ZCWPW2: variants seen among roughly 807,000 people sequenced by gnomAD.
The protein encoded by ZCWPW2 is zinc finger CW-type PWWP domain protein 2.
ZCWPW2 carries 45 observed loss-of-function variants against 46.6 expected under a neutral mutation model. That is an observed-to-expected ratio of 0.96 (90% confidence interval 0.76 to 1.24). The LOEUF (loss-of-function observed/expected upper bound fraction) is 1.24. Ranked by LOEUF, ZCWPW2 falls within the 50% of genes most tolerant of loss-of-function variation. The pLI is 0.00. For synonymous variants in ZCWPW2, 152 were observed against 137.1 expected, an observed-to-expected ratio of 1.11 and a Z score of -0.76; for missense variants, 429 against 403.9, an observed-to-expected ratio of 1.06 and a Z score of -0.53.
chr3:28,496,641 G>C lies in ZCWPW2; in HGVS notation c.657+4468G>C, dbSNP rs148168441. On this transcript the variant is annotated intron_variant, in intron 6 of 9. Transcript: ENST00000383768. ...TTTACAGTTTGGTTTTATAGATATT[G>C]AACATAATATTTTTAAAGACAGCCT... is the stretch of plus-strand genomic sequence containing the variant. Among the ~76,000 whole-genome samples the C allele has an allele frequency of 1.3e-4, 19 of 151,916 alleles. No homozygotes were observed. In the East Asian group the frequency reaches 3.5e-3, roughly 28 times the overall value.
intron 6 of ZCWPW2, among the ~76,000 whole-genome samples, chr3:28,492,954 G>A (rs1559528019): frequency 6.6e-6 from 1 of 152,078 alleles, no homozygotes; most frequent in South Asian, 2.1e-4. Flanking sequence ...AGAAAAGGGT[G>A]TTGGGCATGT....
At chr3:28,350,558 A>G (rs1704507673) in intron 1 of ZCWPW2, among the ~76,000 whole-genome samples, 1 of 152,186 alleles carries the variant, frequency 6.6e-6, no homozygotes, top group African/African-American at 2.4e-5. Flanking sequence ...TTAGTCAAGT[A>G]AAACATCTTA....
chr3:28,359,447 A>G (rs1704856799), intron 1 of ZCWPW2, among the ~76,000 whole-genome samples: 1 of 152,114 alleles, frequency 6.6e-6, no homozygotes, highest in African/African-American at 2.4e-5. Flanking sequence ...AACTTACTTG[A>G]CAAAAATAGG....
intron 3 of ZCWPW2, among the ~76,000 whole-genome samples, chr3:28,420,276 A>G (rs1696715300): frequency 6.6e-6 from 1 of 151,860 alleles, no homozygotes; most frequent in Non-Finnish European, 1.5e-5. Context: ...GTGGGCATTT[A>G]GTGCTATAAA....
chr3:28,496,120 G>A (rs17696783), intron 6 of ZCWPW2, among the ~76,000 whole-genome samples: 30,890 of 151,782 alleles, frequency 0.2, 3,565 homozygotes, highest in Middle Eastern at 0.29. Flanking sequence ...CGAAATTATC[G>A]ACTATTTTAC....
At chr3:28,379,003 A>G (rs1002848801) in intron 1 of ZCWPW2, among the ~76,000 whole-genome samples, 3 of 152,190 alleles carry the variant, frequency 2.0e-5, no homozygotes, top group South Asian at 2.1e-4. Context: ...GTAGCTGGAC[A>G]CTGCCTGAAA....
chr3:28,521,800 A>G (rs1394039676), intron 9 of ZCWPW2, among the ~76,000 whole-genome samples: 1 of 152,122 alleles, frequency 6.6e-6, no homozygotes, highest in African/African-American at 2.4e-5. Flanking sequence ...GCTGTTCCCT[A>G]ACTAGGAAAA....
intron 6 of ZCWPW2, among the ~76,000 whole-genome samples, chr3:28,494,825 A>G (rs1699932044): frequency 7.2e-6 from 1 of 138,666 alleles, no homozygotes; most frequent in Admixed American, 7.5e-5. Context: ...ACTCCCATTC[A>G]CAATTGCTTC....
At chr3:28,372,003 TTCTC>T (rs1559477630) in intron 1 of ZCWPW2, among the ~76,000 whole-genome samples, 1 of 151,782 alleles carries the variant, frequency 6.6e-6, no homozygotes, top group Non-Finnish European at 1.5e-5. Context: ...CTCCTCCTCT[TTCTC>T]CTCTTTCTCC....
chr3:28,368,858 C>T (rs1705214895), intron 1 of ZCWPW2, among the ~76,000 whole-genome samples: 1 of 152,136 alleles, frequency 6.6e-6, no homozygotes, highest in South Asian at 2.1e-4. Flanking sequence ...TTGTTCATTT[C>T]TTTTTATTCT....
In ZCWPW2 at chr3:28,365,550, C is replaced by G. The variant is rs1314245386; in HGVS notation, c.-134+16347C>G. Reference sequence around the variant, plus strand: ...TACCATGCTGTTTTGGTTACCGTAGCCTTGGAGTATAGTTTGAAGTCAGGT... The same window carrying G: ...TACCATGCTGTTTTGGTTACCGTAGGCTTGGAGTATAGTTTGAAGTCAGGT... On this transcript the variant is annotated intron_variant, in intron 1 of 9. Transcript: ENST00000383768. Among the ~76,000 whole-genome samples, 6 of 140,742 alleles carry G rather than the reference C, an allele frequency of 4.3e-5. 2 individuals are homozygous for G. The highest frequency in any genetic ancestry group is 9.5e-5 in the Non-Finnish European group (6 of 62,952). 92.3% of individuals were successfully genotyped at this position (140,742 alleles called of 152,430 possible).
intron 3 of ZCWPW2, among the ~76,000 whole-genome samples, chr3:28,414,311 G>C (rs948111086): frequency 2.0e-5 from 3 of 150,066 alleles, no homozygotes. Flanking sequence ...TTTTTCATTA[G>C]TCATGTTTCT....
At chr3:28,414,087 ATTTG>A (rs1181828806) in intron 3 of ZCWPW2, among the ~76,000 whole-genome samples, 1 of 151,586 alleles carries the variant, frequency 6.6e-6, no homozygotes, top group Non-Finnish European at 1.5e-5. Context: ...AACCTATTAT[ATTTG>A]TTCTGTTGCA....
At chr3:28,362,003 C>T (rs565250776) in intron 1 of ZCWPW2, among the ~76,000 whole-genome samples, 19 of 151,978 alleles carry the variant, frequency 1.3e-4, no homozygotes, top group Non-Finnish European at 4.4e-5. Flanking sequence ...CCTTGTAATC[C>T]AGCAATCCTA....
At position 28,395,753 on chromosome 3, in the gene ZCWPW2, G is replaced by A. The variant is rs182322693; in HGVS notation, c.-14+5136G>A. 6.5e-4 allele frequency among the ~76,000 whole-genome samples: 99 copies of A among 152,180 alleles called. 2 individuals are homozygous for A. The highest frequency in any genetic ancestry group is 1.1e-3 in the Non-Finnish European group (74 of 67,962). On this transcript the variant is annotated intron_variant, in intron 2 of 9. Transcript: ENST00000383768. ...GGGTGGTTACCGGAGGGCTTGGAGT[G>A]AAAAATAGGGAGATGTTGATCAAAG...
intron 1 of ZCWPW2, among the ~76,000 whole-genome samples, chr3:28,354,126 C>T (rs1489068642): frequency 6.6e-6 from 1 of 151,936 alleles, no homozygotes; most frequent in Non-Finnish European, 1.5e-5. Context: ...TGACAAAGAG[C>T]TGTGTGAAAT....
chr3:28,360,871 A>C (rs911750856), intron 1 of ZCWPW2, among the ~76,000 whole-genome samples: 1 of 152,202 alleles, frequency 6.6e-6, no homozygotes, highest in Non-Finnish European at 1.5e-5. Context: ...TACGTTAATC[A>C]AAACAGTATG....
At chr3:28,349,635 G>C (rs1333365553) in intron 1 of ZCWPW2, among the ~76,000 whole-genome samples, 2 of 152,190 alleles carry the variant, frequency 1.3e-5, no homozygotes, top group South Asian at 4.1e-4. Context: ...ACCGTCCCTA[G>C]CTGTGGAGTC....
chr3:28,398,332 C>A (rs1695786098), intron 2 of ZCWPW2: 1 of 152,200 alleles, frequency 6.6e-6, no homozygotes, highest in Non-Finnish European at 1.5e-5. Context: ...AAGTCCCCAT[C>A]CTCAAATATA....
Sources: allele counts gnomAD v4.1 joint callset (sites outside exome capture counted in the v4.1 genomes callset), GRCh38; gene constraint gnomAD v4.1.1; transcripts MANE v1.5; gene names NCBI Gene and HGNC (gene_info 2026-07-23, HGNC 2026-07-21).